The following AP1AR variants were observed in gnomAD, a reference collection of about 807,000 sequenced individuals.
The protein encoded by AP1AR is AP-1 complex-associated regulatory protein.
Under a neutral mutation model 46.3 loss-of-function variants are expected in AP1AR, and 29 were observed. The observed-to-expected ratio is 0.63, with a 90% CI of 0.47 to 0.85. The LOEUF (loss-of-function observed/expected upper bound fraction) is 0.85, where lower values mean the gene tolerates loss of function less well. AP1AR is among the 40% of genes least tolerant of loss of function. The pLI, the probability that AP1AR is intolerant of heterozygous loss-of-function variation, is 0.00. For missense variants in AP1AR, 357 were observed against 356.3 expected (o/e 1.00, Z -0.02); for synonymous variants, 122 against 122.9 (o/e 0.99, Z 0.05).
At chr4:112,245,821 A>G (rs1725704823) in intron 1 of AP1AR, among the ~76,000 whole-genome samples, 1 of 152,212 alleles carries the variant, frequency 6.6e-6, no homozygotes, top group Admixed American at 6.5e-5. Context: ...CTTCAAGTCA[A>G]TAAAATATTG....
Position 112,268,035 on chromosome 4 carries a change from C to T in AP1AR, c.644-109C>T, listed in dbSNP as rs1034197181. 4.4e-6 allele frequency: 5 copies of T among 1,129,730 alleles called. No individual in the cohort carries two copies. The African/African-American group carries it at 6.3e-5, about 14-fold the overall frequency. The allele number at this position is 1,129,730 out of a possible 1,614,324, so 70.0% of individuals were successfully genotyped here. A position where few individuals can be genotyped will look rare whatever the true frequency, so the allele number is the denominator to read the frequency against. Reference sequence around the variant, plus strand: ...GGGACTGGGTCTTTAAGTTAATTCACACATCAAGTCTGATAGTTAAATAAA... The same window carrying T: ...GGGACTGGGTCTTTAAGTTAATTCATACATCAAGTCTGATAGTTAAATAAA... On this transcript the variant is annotated intron_variant, in intron 9 of 9. Coordinates refer to ENST00000274000, the MANE Select transcript of AP1AR (RefSeq NM_018569.6).
At chr4:112,261,627 A>G (rs1726445924) in intron 5 of AP1AR, among the ~76,000 whole-genome samples, 1 of 152,080 alleles carries the variant, frequency 6.6e-6, no homozygotes, top group Non-Finnish European at 1.5e-5. Flanking sequence ...ACTAAATGGA[A>G]TTATTCATAT....
Position 112,232,141 on chromosome 4 carries a change from CG to C in AP1AR, c.54del (p.Arg19GlyfsTer5). On this transcript the variant is annotated frameshift_variant, in exon 1 of 10. Transcript: ENST00000274000. LOFTEE classifies it high-confidence loss of function. Reference protein sequence around the residue: ...TQCFGLLRKEAGRLQRVGGGG... With the variant: ...TQCFGLLRKEXGRLQRVGGGG... Reference sequence around the variant, plus strand: ...TGCTTCGGACTGCTTCGCAAGGAAGCGGGGCGGCTGCAGCGAGTAGGCGGCG... The same window carrying C: ...TGCTTCGGACTGCTTCGCAAGGAAGCGGGCGGCTGCAGCGAGTAGGCGGCG... The C allele has an allele frequency of 7.8e-7, 1 of 1,279,642 alleles. No individual in the cohort carries two copies. The highest frequency in any genetic ancestry group is 2.8e-5 in the South Asian group (1 of 35,566). The allele number at this position is 1,279,642 out of a possible 1,614,324, so 79.3% of individuals were successfully genotyped here. A position where few individuals can be genotyped will look rare whatever the true frequency, so the allele number is the denominator to read the frequency against.
At chr4:112,266,755 G>A (rs751743849) in intron 9 of AP1AR, 39 bp downstream of exon 9, 20 of 1,560,970 alleles carry the variant, frequency 1.3e-5, no homozygotes, top group East Asian at 9.2e-5. Flanking sequence ...AAAATTTAAC[G>A]TAATCTGTGT....
In AP1AR at chr4:112,270,748, A is replaced by G. The variant is rs1301846400; in HGVS notation, c.*2339A>G. Reference sequence around the variant, plus strand: ...GAGTGAGGGGGAAGAGTGGTATGAGATGATACTGGAGTGGTAGTTAAGGGC... The same window carrying G: ...GAGTGAGGGGGAAGAGTGGTATGAGGTGATACTGGAGTGGTAGTTAAGGGC... On this transcript the variant is annotated 3_prime_UTR_variant, in exon 10 of 10. Coordinates refer to ENST00000274000, the MANE Select transcript of AP1AR (RefSeq NM_018569.6). 1.3e-5 allele frequency among the ~76,000 whole-genome samples: 2 copies of G among 152,142 alleles called. No individual in the cohort carries two copies. Among genetic ancestry groups the G allele is most frequent in the African/African-American group, 2.4e-5 (1 of 41,440 alleles).
At chr4:112,253,963 A>G (rs1465947498) in intron 2 of AP1AR, among the ~76,000 whole-genome samples, 1 of 152,220 alleles carries the variant, frequency 6.6e-6, no homozygotes, top group East Asian at 1.9e-4. Flanking sequence ...AAACTAATAT[A>G]AAAAAAGATA....
chr4:112,267,583 C>G (rs1201474210), intron 9 of AP1AR, among the ~76,000 whole-genome samples: 1 of 151,832 alleles, frequency 6.6e-6, no homozygotes, highest in East Asian at 1.9e-4. Context: ...GCTGTGTGAC[C>G]TTACCCAAAT....
At chr4:112,265,192 T>A in intron 7 of AP1AR, 125 bp downstream of exon 7, 1 of 658,620 alleles carries the variant, frequency 1.5e-6, no homozygotes, top group Non-Finnish European at 2.5e-6. Context: ...AAATTATTCC[T>A]TCTAAAAGAC....
chr4:112,232,134 A>C lies in AP1AR; in HGVS notation c.43A>C (p.Lys15Gln). 1.6e-6 allele frequency: 2 copies of C among 1,281,196 alleles called. No individual in the cohort carries two copies. Among genetic ancestry groups the C allele is most frequent in the Non-Finnish European group, 2.0e-6 (2 of 1,005,312 alleles). The allele number at this position is 1,281,196 out of a possible 1,614,324, so 79.4% of individuals were successfully genotyped here. ...GACGCAGTGCTTCGGACTGCTTCGC[A>C]AGGAAGCGGGGCGGCTGCAGCGAGT... ...CWTQCFGLLR[K>Q]EAGRLQRVGG... Residue 15 changes from lysine (K) to glutamine (Q), a missense_variant, in exon 1 of 10, where the codon AAG becomes CAG. Physicochemically the swap from Lys to Gln is moderately conservative, Grantham distance 53 (BLOSUM62 1). Coordinates refer to ENST00000274000, the MANE Select transcript of AP1AR (RefSeq NM_018569.6).
At chr4:112,264,375 T>C (rs1466369490) in intron 6 of AP1AR, among the ~76,000 whole-genome samples, 5 of 152,142 alleles carry the variant, frequency 3.3e-5, no homozygotes, top group Admixed American at 2.6e-4. Context: ...CAGCACATAC[T>C]GACACACAGA....
At chr4:112,249,397 C>T (rs927746774) in intron 1 of AP1AR, among the ~76,000 whole-genome samples, 1 of 151,470 alleles carries the variant, frequency 6.6e-6, no homozygotes, top group East Asian at 1.9e-4. Flanking sequence ...CAGTGGCTCA[C>T]GCCTGTAATC....
intron 4 of AP1AR, among the ~76,000 whole-genome samples, chr4:112,258,540 G>A (rs1027225557): frequency 1.3e-5 from 2 of 152,316 alleles, no homozygotes; most frequent in South Asian, 4.1e-4. Context: ...AGAAGAGGCT[G>A]TTTGCCCAAA....
chr4:112,256,756 G>GA (rs1358958184), intron 3 of AP1AR, among the ~76,000 whole-genome samples: 1 of 152,212 alleles, frequency 6.6e-6, no homozygotes, highest in Non-Finnish European at 1.5e-5. Context: ...TGCTTTGGAG[G>GA]AAAAAACTAC....
chr4:112,252,733 GAC>G (rs1170386610), intron 1 of AP1AR, among the ~76,000 whole-genome samples: 3 of 152,132 alleles, frequency 2.0e-5, no homozygotes, highest in African/African-American at 7.2e-5. Flanking sequence ...CTTGAATAAA[GAC>G]ACGTGATTCC....
chr4:112,267,128 C>G (rs774803948), intron 9 of AP1AR, among the ~76,000 whole-genome samples: 8 of 151,850 alleles, frequency 5.3e-5, no homozygotes, highest in Non-Finnish European at 1.0e-4. Flanking sequence ...TTTTTCTTAT[C>G]TATAGAAATA....
At chr4:112,253,169 TA>T (rs773762959) in intron 1 of AP1AR, 38 bp from the exon 2 acceptor site, 2 of 1,517,172 alleles carry the variant, frequency 1.3e-6, no homozygotes, top group Non-Finnish European at 1.8e-6. Flanking sequence ...ATCTTAGAGT[TA>T]ATTGTGTTTT....
rs1201893435 is a variant in AP1AR, at chr4:112,272,736, C to A, written c.*4327C>A. 6.6e-6 allele frequency among the ~76,000 whole-genome samples: 1 copy of A among 152,156 alleles called. No homozygotes were observed. Reference sequence around the variant, plus strand: ...TATAATTCTGTCTCTTGGCTGAATTCTTTCTCCCAAGAAGACAAAGATCAA... The same window carrying A: ...TATAATTCTGTCTCTTGGCTGAATTATTTCTCCCAAGAAGACAAAGATCAA... On this transcript the variant is annotated 3_prime_UTR_variant, in exon 10 of 10. Transcript: ENST00000274000.
chr4:112,268,741 T>G lies in AP1AR; in HGVS notation c.*332T>G, dbSNP rs1225444680. 2 of 179,428 alleles carry G rather than the reference T, an allele frequency of 1.1e-5. No individual in the cohort carries two copies. The highest frequency in any genetic ancestry group is 2.3e-5 in the Non-Finnish European group (2 of 86,792). 11.1% of individuals were successfully genotyped at this position (179,428 alleles called of 1,614,324 possible). ...TTAAAATTAATTTTACTTTGAATGA[T>G]TTATGAAGCCTATTTCATTGTCTAA... On this transcript the variant is annotated 3_prime_UTR_variant, in exon 10 of 10. Coordinates refer to ENST00000274000, the MANE Select transcript of AP1AR (RefSeq NM_018569.6).
At chr4:112,255,654 A>C (rs1726160251) in intron 3 of AP1AR, among the ~76,000 whole-genome samples, 1 of 152,214 alleles carries the variant, frequency 6.6e-6, no homozygotes, top group Admixed American at 6.5e-5. Context: ...TTTAGCCATC[A>C]TCTCTTTTAT....
Sources: allele counts gnomAD v4.1 joint callset (sites outside exome capture counted in the v4.1 genomes callset), GRCh38; gene constraint gnomAD v4.1.1; transcripts MANE v1.5; gene names NCBI Gene and HGNC (gene_info 2026-07-23, HGNC 2026-07-21).